UBE2K: variants seen among roughly 807,000 people sequenced by gnomAD.
UBE2K encodes ubiquitin-conjugating enzyme E2 K.
In UBE2K, 6 loss-of-function variants were observed where a neutral mutation model predicts 30.0. That is an observed-to-expected ratio of 0.20 (90% confidence interval 0.11 to 0.39). UBE2K has a LOEUF of 0.39. Among genes scored for constraint, UBE2K ranks in the 10% least tolerant of loss-of-function variants. UBE2K has a pLI of 1.00. For missense variants in UBE2K, 61 were observed against 241.6 expected (o/e 0.25, Z 4.96); for synonymous variants, 86 against 83.7 (o/e 1.03, Z -0.15).
chr4:39,771,197 C>T, intron 4 of UBE2K: 12 of 1,612,860 alleles, frequency 7.4e-6, no homozygotes, highest in South Asian at 1.1e-5. Flanking sequence ...AGGTCGGCCA[C>T]GATGCGTGCA....
chr4:39,754,508 A>G (rs1278608901), intron 3 of UBE2K, among the ~76,000 whole-genome samples: 1 of 152,150 alleles, frequency 6.6e-6, no homozygotes, highest in African/African-American at 2.4e-5. Context: ...TTAGGAGCAT[A>G]TATTAAAGAG....
chr4:39,752,048 C>G (rs561738862), intron 3 of UBE2K, among the ~76,000 whole-genome samples: 69 of 152,318 alleles, frequency 4.5e-4, no homozygotes, highest in African/African-American at 1.7e-3. Context: ...AACCGTAATC[C>G]TTCTGACATC....
chr4:39,759,844 C>T (rs1469249583), intron 4 of UBE2K, among the ~76,000 whole-genome samples: 4 of 152,122 alleles, frequency 2.6e-5, no homozygotes, highest in African/African-American at 7.2e-5. Flanking sequence ...TACTACATGC[C>T]TGTAAACACA....
At chr4:39,726,314 T>C (rs1019594264) in intron 1 of UBE2K, among the ~76,000 whole-genome samples, 1 of 152,130 alleles carries the variant, frequency 6.6e-6, no homozygotes, top group Non-Finnish European at 1.5e-5. Flanking sequence ...CTTTTTAACT[T>C]TCTGCTAAAA....
intron 1 of UBE2K, among the ~76,000 whole-genome samples, chr4:39,724,612 A>ACAAAAAT (rs1719633714): frequency 1.1e-5 from 1 of 94,132 alleles, no homozygotes; most frequent in East Asian, 3.1e-4. Flanking sequence ...AAAAAAAAAT[A>ACAAAAAT]CAAAAATTAG....
At chr4:39,770,999 C>T (rs1712772690) in intron 4 of UBE2K, 3 of 1,609,428 alleles carry the variant, frequency 1.9e-6, no homozygotes, top group South Asian at 2.2e-5. Flanking sequence ...TTGGCGCTGA[C>T]GCTGCTCACA....
intron 2 of UBE2K, among the ~76,000 whole-genome samples, chr4:39,742,252 A>G (rs776774682): frequency 6.6e-6 from 1 of 152,174 alleles, no homozygotes; most frequent in African/African-American, 2.4e-5. Context: ...TATTATAACT[A>G]TATTTGAAGC....
intron 3 of UBE2K, among the ~76,000 whole-genome samples, chr4:39,746,456 CTAT>C (rs1720995198): frequency 6.6e-6 from 1 of 152,166 alleles, no homozygotes; most frequent in African/African-American, 2.4e-5. Context: ...CCTGTTTTGT[CTAT>C]TATTTAATCA....
At chr4:39,746,549 T>A (rs925790067) in intron 3 of UBE2K, among the ~76,000 whole-genome samples, 1 of 152,338 alleles carries the variant, frequency 6.6e-6, no homozygotes, top group Admixed American at 6.5e-5. Context: ...TTGATCATGC[T>A]GCTTTTCTTT....
At chr4:39,728,890 A>G (rs1578445126) in intron 1 of UBE2K, among the ~76,000 whole-genome samples, 2 of 143,012 alleles carry the variant, frequency 1.4e-5, no homozygotes, top group Admixed American at 1.5e-4. Context: ...GATGGTCTCC[A>G]TCTTTTGACC....
chr4:39,776,447 G>A (rs1002853315), intron 5 of UBE2K, among the ~76,000 whole-genome samples: 1 of 151,900 alleles, frequency 6.6e-6, no homozygotes, highest in Admixed American at 6.6e-5. Context: ...AAACTTGTTC[G>A]TAGCTCTACT....
rs368770730 is a variant in UBE2K at position 39,756,262 on chromosome 4, C to T, written c.299+523C>T. Among the ~76,000 whole-genome samples, 15 of 152,266 alleles carry T rather than the reference C, an allele frequency of 9.9e-5. No homozygotes were observed. The East Asian group carries it at 2.9e-3, about 29-fold the overall frequency. On this transcript the variant is annotated intron_variant, in intron 4 of 6. Transcript: ENST00000261427. Reference sequence around the variant, plus strand: ...CACAGCATTAAATGTTTTAAGAGTTCCTACTCTGGAGCCACCAGGTTCACA... The same window carrying T: ...CACAGCATTAAATGTTTTAAGAGTTTCTACTCTGGAGCCACCAGGTTCACA...
At chr4:39,712,888 C>T (rs1176761252) in intron 1 of UBE2K, among the ~76,000 whole-genome samples, 2 of 144,182 alleles carry the variant, frequency 1.4e-5, no homozygotes, top group African/African-American at 5.2e-5. Flanking sequence ...TTAAATGAGA[C>T]GGAGTCTCGC....
chr4:39,777,715 G>T lies in UBE2K; in HGVS notation c.433G>T (p.Ala145Ser). ...KQNPEMFKQT[A>S]RLWAHVYAGA... ...AAATCCCGAAATGTTCAAACAGACA[G>T]CTCGACTTTGGGCACATGTGTATGC... is the stretch of plus-strand genomic sequence containing the variant. The change falls in exon 6 of 7, where the codon GCT becomes TCT. Residue 145 changes from alanine to serine, a missense_variant. Ala to Ser is a moderately conservative substitution (Grantham distance 99). Coordinates refer to ENST00000261427, the MANE Select transcript of UBE2K (RefSeq NM_005339.5). 6.4e-7 allele frequency: 1 copy of T among 1,564,670 alleles called. No individual in the cohort carries two copies. Among genetic ancestry groups the T allele is most frequent in the Non-Finnish European group, 8.6e-7 (1 of 1,164,364 alleles).
chr4:39,701,886 G>C (rs1410250264), intron 1 of UBE2K, among the ~76,000 whole-genome samples: 1 of 151,692 alleles, frequency 6.6e-6, no homozygotes, highest in Non-Finnish European at 1.5e-5. Flanking sequence ...TTAGCCTCCT[G>C]AGTAGCTGGG....
chr4:39,745,990 A>AG (rs1309488454), intron 3 of UBE2K, among the ~76,000 whole-genome samples, 180 bp downstream of exon 3: 1 of 152,154 alleles, frequency 6.6e-6, no homozygotes, highest in Non-Finnish European at 1.5e-5. Flanking sequence ...AATTAGAATG[A>AG]AAAGCAAACT....
intron 1 of UBE2K, among the ~76,000 whole-genome samples, chr4:39,730,873 G>C (rs1400266694): frequency 7.0e-6 from 1 of 141,934 alleles, no homozygotes; most frequent in Non-Finnish European, 1.5e-5. Flanking sequence ...GCAGTGGCGT[G>C]ATCTCTGCTC....
intron 1 of UBE2K, chr4:39,714,548 A>ATTTTTTTTTTTTTTTTTTTTT (rs1168820129): frequency 1.2e-4 from 3 of 24,676 alleles, no homozygotes; most frequent in Non-Finnish European, 1.9e-4. Context: ...ATATATATAT[A>ATTTTTTTTTTTTTTTTTTTTT]TATTTTTTTT....
rs184666746 is a variant in UBE2K, at chr4:39,714,244, G to A, written c.63+15854G>A. The A allele has an allele frequency of 2.0e-3, 365 of 180,196 alleles. 1 individual carries two copies. The highest frequency in any genetic ancestry group is 8.0e-3 in the African/African-American group (337 of 42,282). The allele number at this position is 180,196 out of a possible 1,614,324, so 11.2% of individuals were successfully genotyped here. On this transcript the variant is annotated intron_variant, in intron 1 of 6. Coordinates refer to ENST00000261427, the MANE Select transcript of UBE2K (RefSeq NM_005339.5). ...AGACACCAGAAAAAGTTTCAGCCTTGTTTTCAACATTGTTCTGCTGTGCTT... is the reference window on the plus strand; with the variant it reads ...AGACACCAGAAAAAGTTTCAGCCTTATTTTCAACATTGTTCTGCTGTGCTT...
Sources: gnomAD v4.1 joint callset for allele counts (sites outside exome capture counted in the v4.1 genomes callset) on GRCh38, gnomAD v4.1.1 for gene constraint, MANE v1.5 for transcripts, NCBI Gene and HGNC (gene_info 2026-07-23, HGNC 2026-07-21) for gene names.